EXTL3: variants seen among roughly 807,000 people sequenced by gnomAD.
EXTL3 encodes the protein exostosin like glycosyltransferase 3.
A neutral mutation model predicts 69.3 loss-of-function variants in EXTL3; 27 were observed. The ratio of observed to expected loss-of-function variants is 0.39; its 90% CI spans 0.29 to 0.54. The LOEUF is 0.54. Among genes scored for constraint, EXTL3 ranks in the 20% least tolerant of loss-of-function variants. The pLI is 0.69. For missense variants in EXTL3, 1,003 were observed against 1,231.8 expected, an observed-to-expected ratio of 0.81 and a Z score of 2.78; for synonymous variants, 511 against 499.4, an observed-to-expected ratio of 1.02 and a Z score of -0.31.
chr8:28,716,849 C>G lies in EXTL3; in HGVS notation c.790C>G (p.Pro264Ala). 3 of 1,614,226 alleles carry G rather than the reference C, an allele frequency of 1.9e-6. No individual in the cohort carries two copies. Among genetic ancestry groups the G allele is most frequent in the Non-Finnish European group, 2.5e-6 (3 of 1,180,046 alleles). Residue 264 changes from proline to alanine, a missense_variant, in exon 3 of 7, where the codon CCA becomes GCA. By Grantham distance (27) the Pro-to-Ala change is conservative. Around this residue, in one of 2 missense-constraint regions of EXTL3, gnomAD observed 742 missense variants for 815.4 expected, o/e 0.91. Coordinates refer to ENST00000220562, the MANE Select transcript of EXTL3 (RefSeq NM_001440.4). This position sits in a 1 kb window ranked among gnomAD's most constrained non-coding sequence, Gnocchi z 7.1. Reference protein sequence around the residue: ...AELEKQLYSLPHWRTDGHNHV... With the variant: ...AELEKQLYSLAHWRTDGHNHV... ...GCTGGAGAAGCAGTTGTATTCCCTG[C>G]CACACTGGCGGACGGATGGACACAA...
chr8:28,726,314 G>C (rs561711839), intron 3 of EXTL3, among the ~76,000 whole-genome samples: 1 of 152,278 alleles, frequency 6.6e-6, no homozygotes, highest in Admixed American at 6.5e-5. Context: ...ATGGATAATA[G>C]TTGGTTTGCT....
chr8:28,727,032 C>T (rs899162700), intron 3 of EXTL3, among the ~76,000 whole-genome samples: 2 of 151,892 alleles, frequency 1.3e-5, no homozygotes, highest in African/African-American at 4.8e-5. Flanking sequence ...GTGCCCTCCC[C>T]CATGCCTGGC....
intron 6 of EXTL3, among the ~76,000 whole-genome samples, chr8:28,744,886 C>T (rs1165784519): frequency 6.6e-6 from 1 of 152,048 alleles, no homozygotes; most frequent in African/African-American, 2.4e-5. Context: ...TCGCTTGAAT[C>T]CAGGAGGCAG....
At chr8:28,702,500 T>G (rs2042683901) in intron 1 of EXTL3, among the ~76,000 whole-genome samples, 1 of 152,172 alleles carries the variant, frequency 6.6e-6, no homozygotes, top group South Asian at 2.1e-4. Flanking sequence ...TCGGCTCCTT[T>G]TATTAATAAA....
chr8:28,618,514 G>A (rs1299754553), upstream of EXTL3, among the ~76,000 whole-genome samples: 1 of 152,138 alleles, frequency 6.6e-6, no homozygotes, highest in Non-Finnish European at 1.5e-5. Flanking sequence ...GAATGAAGCT[G>A]GGGAGCTGAG....
intron 1 of EXTL3, among the ~76,000 whole-genome samples, chr8:28,667,824 C>T (rs1276478910): frequency 6.6e-6 from 1 of 151,102 alleles, no homozygotes; most frequent in East Asian, 1.9e-4. Context: ...AACAAACCTG[C>T]ACATTGTGCA....
chr8:28,736,906 A>G (rs1033916101), intron 4 of EXTL3, among the ~76,000 whole-genome samples: 1 of 152,234 alleles, frequency 6.6e-6, no homozygotes, highest in Non-Finnish European at 1.5e-5. Flanking sequence ...AGAATCAGGC[A>G]GTCCTTCCAC....
intron 1 of EXTL3, among the ~76,000 whole-genome samples, chr8:28,627,925 A>G (rs1161877188): frequency 6.6e-6 from 1 of 151,968 alleles, no homozygotes. Flanking sequence ...GCCAGAAGCT[A>G]GGGGGAGGAG....
chr8:28,710,436 G>T (rs1465964255), intron 1 of EXTL3: 1 of 456,060 alleles, frequency 2.2e-6, no homozygotes, highest in Non-Finnish European at 4.4e-6. Flanking sequence ...GTAAAATGCA[G>T]ACTGACTTAA....
chr8:28,739,037 G>T, intron 5 of EXTL3, among the ~76,000 whole-genome samples: 1 of 152,128 alleles, frequency 6.6e-6, no homozygotes, highest in East Asian at 1.9e-4. Flanking sequence ...TTTTCCCTAG[G>T]CGTTCTGTCT....
chr8:28,650,263 C>T (rs1806897231), intron 1 of EXTL3, among the ~76,000 whole-genome samples: 1 of 150,680 alleles, frequency 6.6e-6, no homozygotes, highest in African/African-American at 2.4e-5. Flanking sequence ...CCCAATTTCA[C>T]AATTTATTCT....
At chr8:28,755,968 C>CGA (rs1438931636), downstream of EXTL3, among the ~76,000 whole-genome samples, 2 of 152,190 alleles carry the variant, frequency 1.3e-5, no homozygotes, top group African/African-American at 2.4e-5. Flanking sequence ...TCCTGCCATT[C>CGA]ATCCTTTCAT....
chr8:28,628,889 T>C (rs1290515079), intron 1 of EXTL3, among the ~76,000 whole-genome samples: 1 of 152,060 alleles, frequency 6.6e-6, no homozygotes, highest in Non-Finnish European at 1.5e-5. Flanking sequence ...CCTGACAGAT[T>C]TGTGATAAGG....
chr8:28,719,807 T>G (rs1001894436), intron 3 of EXTL3, among the ~76,000 whole-genome samples: 6 of 152,186 alleles, frequency 3.9e-5, no homozygotes, highest in Non-Finnish European at 5.9e-5. Context: ...TTTCCTGAGT[T>G]TTCTTTGATT....
At chr8:28,674,665 A>G (rs1389990283) in intron 1 of EXTL3, among the ~76,000 whole-genome samples, 1 of 152,214 alleles carries the variant, frequency 6.6e-6, no homozygotes, top group Non-Finnish European at 1.5e-5. Flanking sequence ...TTAAAGTGAG[A>G]GCATTAATTG....
chr8:28,722,370 G>T (rs1245358748), intron 3 of EXTL3, among the ~76,000 whole-genome samples: 1 of 152,224 alleles, frequency 6.6e-6, no homozygotes, highest in Non-Finnish European at 1.5e-5. Context: ...TAGCCTAGGC[G>T]AGGAGCGGTG....
Position 28,717,839 on chromosome 8 carries a change from A to C in EXTL3, c.1780A>C (p.Thr594Pro). ...YASPRYLRNF[T>P]LTVTDFYRSW... ...CTCACCCAGATACCTCCGCAATTTCACTCTGACTGTCACTGACTTTTACCG... is the reference window on the plus strand; with the variant it reads ...CTCACCCAGATACCTCCGCAATTTCCCTCTGACTGTCACTGACTTTTACCG... The change falls in exon 3 of 7, where the codon ACT (threonine) becomes CCT (proline). Residue 594 changes from threonine to proline, a missense_variant. Around this residue, in one of 2 missense-constraint regions of EXTL3, gnomAD observed 742 missense variants for 815.4 expected, o/e 0.91. Coordinates refer to ENST00000220562, the MANE Select transcript of EXTL3 (RefSeq NM_001440.4). This position sits in a 1 kb window ranked among gnomAD's most constrained non-coding sequence, Gnocchi z 8.3. 1 of 1,611,102 alleles carries C rather than the reference A, an allele frequency of 6.2e-7. No homozygotes were observed. Among genetic ancestry groups the C allele is most frequent in the Non-Finnish European group, 8.5e-7 (1 of 1,177,754 alleles).
At chr8:28,656,226 G>A (rs1807008697) in intron 1 of EXTL3, among the ~76,000 whole-genome samples, 1 of 151,914 alleles carries the variant, frequency 6.6e-6, no homozygotes, top group South Asian at 2.1e-4. Context: ...CTGGGGTGCA[G>A]TGGCATGATC....
At chr8:28,648,511 C>T (rs1354555005) in intron 1 of EXTL3, among the ~76,000 whole-genome samples, 2 of 152,192 alleles carry the variant, frequency 1.3e-5, no homozygotes, top group East Asian at 3.8e-4. Context: ...GTAGTCACTA[C>T]TTATCTTTGA....
Sources: gnomAD v4.1 joint callset for allele counts (sites outside exome capture counted in the v4.1 genomes callset) on GRCh38, gnomAD v4.1.1 for gene constraint, gnomAD v4.1.1 regional missense constraint, Gnocchi (gnomAD v3.1) non-coding constraint, MANE v1.5 for transcripts, NCBI Gene and HGNC (gene_info 2026-07-23, HGNC 2026-07-21) for gene names.